Variants in ELAVL2 observed in about 807,000 individuals in gnomAD.
ELAVL2 encodes ELAV-like protein 2.
ELAVL2 carries 4 observed loss-of-function variants against 34.6 expected under a neutral mutation model. The ratio of observed to expected loss-of-function variants is 0.12; its 90% CI spans 0.06 to 0.26. The LOEUF is 0.26. Ranked by LOEUF, ELAVL2 falls within the 10% of genes least tolerant of loss-of-function variation. ELAVL2 has a pLI of 1.00. For missense variants in ELAVL2, 432 were observed against 442.8 expected, an observed-to-expected ratio of 0.98 and a Z score of 0.22; for synonymous variants, 193 against 154.8, an observed-to-expected ratio of 1.25 and a Z score of -1.83.
rs1488007891 is a variant in ELAVL2, at chr9:23,692,328, G to A, written c.*229C>T. On this transcript the variant is annotated 3_prime_UTR_variant, in exon 7 of 7. Coordinates refer to ENST00000397312, the MANE Select transcript of ELAVL2 (RefSeq NM_004432.5). ...GAAGGCAATAGAATGCAATGTGACA[G>A]GTAAAAACCCTGTACCTCTTGTCCA... 3 of 494,428 alleles carry A rather than the reference G, an allele frequency of 6.1e-6. No individual in the cohort carries two copies. Among genetic ancestry groups the A allele is most frequent in the Non-Finnish European group, 7.0e-6 (2 of 284,184 alleles). The allele number at this position is 494,428 out of a possible 1,614,324, so 30.6% of individuals were successfully genotyped here.
chr9:23,753,737 A>C (rs1229787842), intron 2 of ELAVL2, among the ~76,000 whole-genome samples: 1 of 152,176 alleles, frequency 6.6e-6, no homozygotes, highest in Non-Finnish European at 1.5e-5. Context: ...TGTCTCTTCT[A>C]TACCACCAAT....
At chr9:23,737,423 G>A (rs904767787) in intron 2 of ELAVL2, among the ~76,000 whole-genome samples, 8 of 152,100 alleles carry the variant, frequency 5.3e-5, no homozygotes, top group African/African-American at 1.4e-4. Flanking sequence ...TTGTTCATAC[G>A]AAAAATTTCT....
intron 1 of ELAVL2, among the ~76,000 whole-genome samples, chr9:23,813,992 A>T (rs1357488743): frequency 6.6e-6 from 1 of 152,194 alleles, no homozygotes; most frequent in Non-Finnish European, 1.5e-5. Context: ...CTTAAGGCGC[A>T]GTCGATAAAT....
At chr9:23,799,024 A>G (rs1278775062) in intron 1 of ELAVL2, among the ~76,000 whole-genome samples, 1 of 152,198 alleles carries the variant, frequency 6.6e-6, no homozygotes, top group Non-Finnish European at 1.5e-5. Context: ...GTGGTCATGT[A>G]AAGTGAAGGA....
intron 2 of ELAVL2, among the ~76,000 whole-genome samples, chr9:23,739,671 A>G (rs1158436138): frequency 1.3e-5 from 2 of 152,064 alleles, no homozygotes; most frequent in African/African-American, 4.8e-5. Context: ...ATTCCTCAAA[A>G]TAGTATTGTG....
At chr9:23,754,866 C>G (rs1016945337) in intron 2 of ELAVL2, among the ~76,000 whole-genome samples, 2 of 152,142 alleles carry the variant, frequency 1.3e-5, no homozygotes, top group East Asian at 3.9e-4. Flanking sequence ...ATAAATTTCC[C>G]ATGGGAAGAT....
At chr9:23,811,880 C>A (rs2138123194) in intron 1 of ELAVL2, among the ~76,000 whole-genome samples, 1 of 152,156 alleles carries the variant, frequency 6.6e-6, no homozygotes, top group African/African-American at 2.4e-5. Context: ...GAAATAGTTA[C>A]TCATACCATA....
At chr9:23,708,205 A>C (rs1352705215) in intron 3 of ELAVL2, among the ~76,000 whole-genome samples, 1 of 152,184 alleles carries the variant, frequency 6.6e-6, no homozygotes, top group Non-Finnish European at 1.5e-5. Flanking sequence ...AGGAGTGATT[A>C]GATTATATAT....
At chr9:23,784,999 G>C (rs954208605) in intron 1 of ELAVL2, among the ~76,000 whole-genome samples, 2 of 152,136 alleles carry the variant, frequency 1.3e-5, no homozygotes, top group African/African-American at 4.8e-5. Flanking sequence ...GTGAAGTTAC[G>C]TGCATCCTAC....
chr9:23,727,918 T>C (rs1489192461), intron 3 of ELAVL2, among the ~76,000 whole-genome samples: 1 of 152,076 alleles, frequency 6.6e-6, no homozygotes, highest in Admixed American at 6.6e-5. Flanking sequence ...AATATCCCAA[T>C]AACCAGGAAT....
rs138381761 is a variant in ELAVL2, at chr9:23,729,746, G to C, written c.333+1276C>G. On this transcript the variant is annotated intron_variant, in intron 3 of 6. Transcript: ENST00000397312. Reference sequence around the variant, plus strand: ...CATTTAGATAAGACAGGGCTGGTAGGCATTTTTCTTAGGGGCCAATAAATA... The same window carrying C: ...CATTTAGATAAGACAGGGCTGGTAGCCATTTTTCTTAGGGGCCAATAAATA... 2.6e-3 allele frequency among the ~76,000 whole-genome samples: 389 copies of C among 152,050 alleles called. 1 individual carries two copies. The highest frequency in any genetic ancestry group is 9.0e-3 in the African/African-American group (374 of 41,488).
At chr9:23,701,887 C>G (rs2133172427) in intron 4 of ELAVL2, among the ~76,000 whole-genome samples, 1 of 152,204 alleles carries the variant, frequency 6.6e-6, no homozygotes, top group Non-Finnish European at 1.5e-5. Flanking sequence ...ACAAGCATGT[C>G]CATGTTTTCT....
intron 1 of ELAVL2, among the ~76,000 whole-genome samples, chr9:23,793,590 C>T (rs889211819): frequency 5.9e-5 from 9 of 152,136 alleles, no homozygotes; most frequent in Non-Finnish European, 1.2e-4. Flanking sequence ...TATCATTCCT[C>T]CAAAGAACAT....
chr9:23,827,047 A>T (rs977209730), upstream of ELAVL2, among the ~76,000 whole-genome samples: 1 of 152,210 alleles, frequency 6.6e-6, no homozygotes, highest in Non-Finnish European at 1.5e-5. Flanking sequence ...TAGGATAAAT[A>T]TCCTATCCAG....
At chr9:23,695,266 A>G (rs188475174) in intron 5 of ELAVL2, among the ~76,000 whole-genome samples, 1 of 152,324 alleles carries the variant, frequency 6.6e-6, no homozygotes, top group East Asian at 1.9e-4. Context: ...TACCTGTAGA[A>G]GAGAACCGCA....
chr9:23,752,445 T>C (rs567526452), intron 2 of ELAVL2, among the ~76,000 whole-genome samples: 173 of 151,882 alleles, frequency 1.1e-3, no homozygotes, highest in South Asian at 2.3e-3. Flanking sequence ...TAGTAAATCC[T>C]ACTACCACTT....
Position 23,692,740 on chromosome 9 carries a change from A to G in ELAVL2, c.897T>C (p.Phe299=), listed in dbSNP as rs1451359947. The G allele has an allele frequency of 1.2e-6, 2 of 1,614,152 alleles. No homozygotes were observed. Among genetic ancestry groups the G allele is most frequent in the South Asian group, 2.2e-5 (2 of 91,080 alleles). ...ESILWQMFGP[F]GAVTNVKVIR... The stretch of plus-strand genomic sequence containing the variant: ...TGACCTTCACATTGGTGACAGCTCC[A>G]AAAGGCCCAAACATTTGCCACAGGA... The change falls in exon 7 of 7, where the codon TTT becomes TTC. Residue 299 remains phenylalanine, a synonymous_variant. Transcript: ENST00000397312.
chr9:23,822,478 T>C (rs1046274990), intron 1 of ELAVL2, among the ~76,000 whole-genome samples: 4 of 152,106 alleles, frequency 2.6e-5, no homozygotes, highest in Admixed American at 2.0e-4. Flanking sequence ...AGACCCGAAA[T>C]GGCCAACTCT....
chr9:23,752,203 T>G (rs1263740173), intron 2 of ELAVL2, among the ~76,000 whole-genome samples: 1 of 152,088 alleles, frequency 6.6e-6, no homozygotes, highest in Non-Finnish European at 1.5e-5. Context: ...GCTAGGTACT[T>G]TATGAAAGAA....
Sources: gnomAD v4.1 joint callset for allele counts (sites outside exome capture counted in the v4.1 genomes callset) on GRCh38, gnomAD v4.1.1 for gene constraint, MANE v1.5 for transcripts, NCBI Gene and HGNC (gene_info 2026-07-23, HGNC 2026-07-21) for gene names.